The following CNNM1 variants were observed in gnomAD, a reference collection of about 807,000 sequenced individuals.
CNNM1 encodes cyclin and CBS domain divalent metal cation transport mediator 1.
In CNNM1, 44 loss-of-function variants were observed where a neutral mutation model predicts 78.8. The ratio of observed to expected loss-of-function variants is 0.56; its 90% CI spans 0.44 to 0.72. CNNM1 has a LOEUF of 0.72. CNNM1 is among the 30% of genes least tolerant of loss of function. The pLI, the probability that CNNM1 is intolerant of heterozygous loss-of-function variation, is 0.00. For synonymous variants in CNNM1, 584 were observed against 581.5 expected, an observed-to-expected ratio of 1.00 and a Z score of -0.06; for missense variants, 1,101 against 1,292.2, an observed-to-expected ratio of 0.85 and a Z score of 2.27.
chr10:99,343,861 C>T (rs2030562273), intron 1 of CNNM1, among the ~76,000 whole-genome samples: 1 of 151,770 alleles, frequency 6.6e-6, no homozygotes, highest in African/African-American at 2.4e-5. Context: ...ATTACAGACA[C>T]CCGCCACCAT....
At chr10:99,356,562 C>CGGAA (rs2031178940) in intron 1 of CNNM1, among the ~76,000 whole-genome samples, 1 of 98,444 alleles carries the variant, frequency 1.0e-5, no homozygotes, top group African/African-American at 4.0e-5. Flanking sequence ...GACAGACAGA[C>CGGAA]AGAAAGAAAG....
chr10:99,344,137 A>G (rs976437311), intron 1 of CNNM1, among the ~76,000 whole-genome samples: 1 of 148,864 alleles, frequency 6.7e-6, no homozygotes, highest in African/African-American at 2.5e-5. Context: ...GTTCAAGACC[A>G]GCCTGACCAA....
chr10:99,356,486 A>AAGAG (rs60050038), intron 1 of CNNM1, among the ~76,000 whole-genome samples: 133 of 137,080 alleles, frequency 9.7e-4, no homozygotes, highest in Middle Eastern at 3.5e-3. Flanking sequence ...GAAAGAAAGA[A>AAGAG]AGAGAGAGAG....
Position 99,391,574 on chromosome 10 carries a change from C to T in CNNM1, c.*58C>T. The T allele has an allele frequency of 6.9e-7, 1 of 1,453,640 alleles. No homozygotes were observed. Among genetic ancestry groups the T allele is most frequent in the Middle Eastern group, 1.8e-4 (1 of 5,710 alleles). 90.0% of individuals were successfully genotyped at this position (1,453,640 alleles called of 1,614,324 possible). A position where few individuals can be genotyped will look rare whatever the true frequency, so the allele number is the denominator to read the frequency against. On this transcript the variant is annotated 3_prime_UTR_variant, in exon 11 of 11. Coordinates refer to ENST00000356713, the MANE Select transcript of CNNM1 (RefSeq NM_020348.3). ...AATTCCAGAGCTTTGGGGGAGAATC[C>T]ACCCTCCCATCATCTGCTTCCCCCA...
At position 99,357,603 on chromosome 10, in the gene CNNM1, T is replaced by C. The variant is rs1038456940; in HGVS notation, c.1665T>C (p.Asp555=). Residue 555 remains aspartate, a synonymous_variant, in exon 2 of 11, where the codon GAT becomes GAC. Transcript: ENST00000356713. ...YEVMGIVTLE[D]IIEEIIKSEI... Reference sequence around the variant, plus strand: ...TGATGGGCATTGTCACGCTGGAGGATATCATAGAGGAGATTATCAAGTCGG... The same window carrying C: ...TGATGGGCATTGTCACGCTGGAGGACATCATAGAGGAGATTATCAAGTCGG... 1.2e-6 allele frequency: 2 copies of C among 1,613,768 alleles called. No individual in the cohort carries two copies. Among genetic ancestry groups the C allele is most frequent in the Non-Finnish European group, 1.7e-6 (2 of 1,179,768 alleles).
chr10:99,332,081 C>T (rs570583814), intron 1 of CNNM1, among the ~76,000 whole-genome samples: 2 of 152,280 alleles, frequency 1.3e-5, no homozygotes, highest in Non-Finnish European at 2.9e-5. Flanking sequence ...TTTGACCGCC[C>T]CCCTAGTTCA....
At chr10:99,353,540 C>T (rs1051998438) in intron 1 of CNNM1, among the ~76,000 whole-genome samples, 5 of 152,160 alleles carry the variant, frequency 3.3e-5, no homozygotes, top group African/African-American at 1.2e-4. Context: ...ATAGGGCCAC[C>T]CCCAGCACCT....
At chr10:99,333,610 G>A (rs371344685) in intron 1 of CNNM1, among the ~76,000 whole-genome samples, 107 of 152,292 alleles carry the variant, frequency 7.0e-4, no homozygotes, top group South Asian at 1.7e-3. Context: ...CTCCCAAAGT[G>A]CTGAGATTAC....
chr10:99,331,646 T>A (rs1051017180), intron 1 of CNNM1, among the ~76,000 whole-genome samples: 3 of 152,158 alleles, frequency 2.0e-5, no homozygotes, highest in Non-Finnish European at 4.4e-5. Flanking sequence ...GCGGGAGGAT[T>A]ACTCGAGCCC....
At chr10:99,351,779 C>T (rs1207013925) in intron 1 of CNNM1, among the ~76,000 whole-genome samples, 1 of 152,184 alleles carries the variant, frequency 6.6e-6, no homozygotes, top group East Asian at 1.9e-4. Context: ...ACAAAATGAT[C>T]ATGTGTGCTG....
At chr10:99,376,098 G>A (rs2031952608) in intron 6 of CNNM1, among the ~76,000 whole-genome samples, 1 of 152,158 alleles carries the variant, frequency 6.6e-6, no homozygotes, top group African/African-American at 2.4e-5. Context: ...TATGCAAGAC[G>A]GGGCCCAGCC....
In CNNM1 at chr10:99,364,448, G is replaced by T; in HGVS notation, c.2060G>T (p.Gly687Val). 6.2e-7 allele frequency: 1 copy of T among 1,612,386 alleles called. No homozygotes were observed. Among genetic ancestry groups the T allele is most frequent in the Non-Finnish European group, 8.5e-7 (1 of 1,179,342 alleles). The change falls in exon 5 of 11, where the codon GGC becomes GTC. Residue 687 changes from glycine to valine, a missense_variant. By Grantham distance (109) the Gly-to-Val change is moderately radical. This residue lies in a region of CNNM1 where 348 missense variants were observed against 384.5 expected (regional missense o/e 0.90). Coordinates refer to ENST00000356713, the MANE Select transcript of CNNM1 (RefSeq NM_020348.3). ...GKVEVEVGKE[G>V]LRFENGAFTY... The stretch of plus-strand genomic sequence containing the variant: ...GTGGAGGTGGAGGTTGGTAAGGAAG[G>T]CCTTCGCTTTGAAAATGGAGCCTTT...
intron 1 of CNNM1, among the ~76,000 whole-genome samples, chr10:99,355,509 G>A (rs1406101706): frequency 6.6e-6 from 1 of 152,166 alleles, no homozygotes; most frequent in Non-Finnish European, 1.5e-5. Context: ...CAGTACCCCA[G>A]ATTTTCTCCT....
intron 5 of CNNM1, 48 bp downstream of exon 5, chr10:99,364,564 G>C (rs774502180): frequency 3.4e-6 from 5 of 1,467,948 alleles, no homozygotes; most frequent in Non-Finnish European, 4.7e-6. Flanking sequence ...GGATATGGTA[G>C]AAAAAGCACA....
At chr10:99,382,920 G>C (rs1264404931) in intron 7 of CNNM1, among the ~76,000 whole-genome samples, 1 of 152,142 alleles carries the variant, frequency 6.6e-6, no homozygotes, top group Non-Finnish European at 1.5e-5. Flanking sequence ...TGGGTGATTG[G>C]ATTCTAAACT....
intron 1 of CNNM1, among the ~76,000 whole-genome samples, chr10:99,348,261 G>T (rs981681860): frequency 1.3e-5 from 2 of 151,980 alleles, no homozygotes; most frequent in African/African-American, 4.8e-5. Context: ...GCCCAGGCTG[G>T]TCACAAACCC....
chr10:99,337,244 T>G (rs970066693), intron 1 of CNNM1, among the ~76,000 whole-genome samples: 1 of 152,194 alleles, frequency 6.6e-6, no homozygotes, highest in African/African-American at 2.4e-5. Context: ...TTCTCTCTAG[T>G]GCCACTAAAA....
intron 6 of CNNM1, among the ~76,000 whole-genome samples, chr10:99,374,688 T>A (rs1589915258): frequency 6.6e-6 from 1 of 152,350 alleles, no homozygotes; most frequent in Non-Finnish European, 1.5e-5. Flanking sequence ...TTATAAACTT[T>A]AAGAGTCATT....
At chr10:99,352,830 T>C (rs1254899472) in intron 1 of CNNM1, among the ~76,000 whole-genome samples, 3 of 152,220 alleles carry the variant, frequency 2.0e-5, no homozygotes, top group Non-Finnish European at 4.4e-5. Context: ...GTGGTGTACT[T>C]TGCACAGATG....
Sources: allele counts gnomAD v4.1 joint callset (sites outside exome capture counted in the v4.1 genomes callset), GRCh38; gene constraint gnomAD v4.1.1; regional missense constraint gnomAD v4.1.1; transcripts MANE v1.5; gene names NCBI Gene and HGNC (gene_info 2026-07-23, HGNC 2026-07-21).